Variants in NLGN1 observed in about 807,000 individuals in gnomAD.
NLGN1 encodes the protein neuroligin-1.
NLGN1 carries 12 observed loss-of-function variants against 65.5 expected under a neutral mutation model. That is an observed-to-expected ratio of 0.18 (90% CI 0.12 to 0.30). The LOEUF is 0.30. Ranked by LOEUF, NLGN1 falls within the 10% of genes least tolerant of loss-of-function variation. The pLI is 1.00. For synonymous variants in NLGN1, 350 were observed against 359.5 expected, an observed-to-expected ratio of 0.97 and a Z score of 0.30; for missense variants, 750 against 1,007.1, an observed-to-expected ratio of 0.74 and a Z score of 3.46.
rs756629898 is a variant in NLGN1, at chr3:173,686,958, CA to C, written c.493+81879del. On this transcript the variant is annotated intron_variant, in intron 3 of 6. Transcript: ENST00000457714. ...ACAGAGCAAGACTCCGTCCCAAAGACAAAAAAAAAAAAGATACTTGTGAACC... is the reference window on the plus strand; with the variant it reads ...ACAGAGCAAGACTCCGTCCCAAAGACAAAAAAAAAAAGATACTTGTGAACC... Among the ~76,000 whole-genome samples, 250 of 132,728 alleles carry C rather than the reference CA, an allele frequency of 1.9e-3. 1 individual carries two copies. Among genetic ancestry groups the C allele is most frequent in the Middle Eastern group, 7.8e-3 (2 of 258 alleles). The allele number at this position is 132,728 out of a possible 152,430, so 87.1% of individuals were successfully genotyped here. A position where few individuals can be genotyped will look rare whatever the true frequency, so the allele number is the denominator to read the frequency against.
intron 2 of NLGN1, among the ~76,000 whole-genome samples, chr3:173,489,611 G>T (rs1232190731): frequency 6.6e-6 from 1 of 152,060 alleles, no homozygotes; most frequent in Non-Finnish European, 1.5e-5. Flanking sequence ...GTAATGGGAT[G>T]GCTGGGTCAA....
At chr3:173,409,914 G>C (rs905273128) in intron 1 of NLGN1, among the ~76,000 whole-genome samples, 2 of 152,152 alleles carry the variant, frequency 1.3e-5, no homozygotes, top group Non-Finnish European at 1.5e-5. Context: ...GGATGTTTTA[G>C]GGACCTGTAG....
chr3:173,927,135 C>G (rs1408514768), intron 4 of NLGN1, among the ~76,000 whole-genome samples: 2 of 152,078 alleles, frequency 1.3e-5, no homozygotes, highest in Admixed American at 1.3e-4. Context: ...ATGATCTCGG[C>G]TCACTGCAAC....
chr3:174,215,577 G>A (rs934549430), intron 4 of NLGN1, among the ~76,000 whole-genome samples: 1 of 152,136 alleles, frequency 6.6e-6, no homozygotes, highest in South Asian at 2.1e-4. Flanking sequence ...TTTGTTTCAG[G>A]CGGAGAGAAG....
At chr3:174,194,676 A>C (rs1733043833) in intron 4 of NLGN1, among the ~76,000 whole-genome samples, 1 of 151,392 alleles carries the variant, frequency 6.6e-6, no homozygotes. Flanking sequence ...AGAAGTAAAT[A>C]AACATTTGTG....
chr3:173,550,902 T>C (rs1740743654), intron 2 of NLGN1, among the ~76,000 whole-genome samples: 1 of 152,162 alleles, frequency 6.6e-6, no homozygotes, highest in Non-Finnish European at 1.5e-5. Flanking sequence ...ACATTTTTAT[T>C]TAAATATTCT....
chr3:173,596,334 C>T (rs573803058), intron 2 of NLGN1, among the ~76,000 whole-genome samples: 2 of 152,280 alleles, frequency 1.3e-5, no homozygotes, highest in East Asian at 3.9e-4. Flanking sequence ...CACGATTTCT[C>T]CCAGGAGGAG....
chr3:173,993,260 A>G (rs1225679692), intron 4 of NLGN1, among the ~76,000 whole-genome samples: 5 of 152,222 alleles, frequency 3.3e-5, no homozygotes, highest in Admixed American at 6.5e-5. Context: ...TTAAAGATCA[A>G]TGCCTCATGG....
At chr3:173,830,000 G>T (rs1359020487) in intron 4 of NLGN1, among the ~76,000 whole-genome samples, 1 of 46,190 alleles carries the variant, frequency 2.2e-5, no homozygotes, top group Non-Finnish European at 5.3e-5. Flanking sequence ...AATTACAGTG[G>T]GTAGTGTGGG....
intron 4 of NLGN1, among the ~76,000 whole-genome samples, chr3:174,140,102 A>AG (rs1327092674): frequency 2.6e-5 from 4 of 152,050 alleles, no homozygotes; most frequent in Non-Finnish European, 5.9e-5. Context: ...CTGTACTTTT[A>AG]GGGGGATTTG....
At chr3:174,021,763 T>A (rs1727790873) in intron 4 of NLGN1, among the ~76,000 whole-genome samples, 1 of 152,270 alleles carries the variant, frequency 6.6e-6, no homozygotes, top group South Asian at 2.1e-4. Context: ...ATTTTTGTTA[T>A]CCTCTCTTGA....
chr3:173,671,251 G>C (rs1041445623), intron 3 of NLGN1, among the ~76,000 whole-genome samples: 2 of 152,148 alleles, frequency 1.3e-5, no homozygotes, highest in Non-Finnish European at 2.9e-5. Context: ...CTGTAATCCA[G>C]CACTTTGTGA....
At chr3:174,252,217 A>AC (rs916422227) in intron 4 of NLGN1, among the ~76,000 whole-genome samples, 4 of 152,132 alleles carry the variant, frequency 2.6e-5, no homozygotes, top group African/African-American at 9.7e-5. Context: ...CTGGAAAAAT[A>AC]CCCCTACTTG....
chr3:174,000,236 C>A (rs567288004), intron 4 of NLGN1, among the ~76,000 whole-genome samples: 17 of 152,112 alleles, frequency 1.1e-4, no homozygotes, highest in African/African-American at 3.9e-4. Context: ...AAGAAAATTT[C>A]TCATCAGGAA....
chr3:174,062,021 G>C (rs75674872), intron 4 of NLGN1, among the ~76,000 whole-genome samples: 2,114 of 152,136 alleles, frequency 0.014, 38 homozygotes, highest in African/African-American at 0.045. Context: ...AGTTTAATGT[G>C]TTTTCTAAAT....
chr3:173,885,730 G>A (rs541081999), intron 4 of NLGN1, among the ~76,000 whole-genome samples: 4 of 151,838 alleles, frequency 2.6e-5, no homozygotes, highest in South Asian at 2.1e-4. Flanking sequence ...TCAAAATTTA[G>A]GAAGCAGAGA....
intron 3 of NLGN1, 61 bp from the exon 4 acceptor site, chr3:173,807,619 C>T: frequency 6.4e-7 from 1 of 1,551,038 alleles, no homozygotes. Context: ...AAAATGTATT[C>T]TCTGCTTCAT....
At chr3:173,773,497 T>C (rs1779875089) in intron 3 of NLGN1, among the ~76,000 whole-genome samples, 2 of 152,164 alleles carry the variant, frequency 1.3e-5, no homozygotes, top group African/African-American at 4.8e-5. Context: ...TATGTCGTTT[T>C]AAAAAAGTAT....
intron 4 of NLGN1, among the ~76,000 whole-genome samples, chr3:173,840,439 GAGT>G (rs1724565626): frequency 6.6e-6 from 1 of 152,178 alleles, no homozygotes; most frequent in Non-Finnish European, 1.5e-5. Context: ...TAAAAGTGGA[GAGT>G]AATCACTGTG....
Sources: gnomAD v4.1 joint callset for allele counts (sites outside exome capture counted in the v4.1 genomes callset) on GRCh38, gnomAD v4.1.1 for gene constraint, MANE v1.5 for transcripts, NCBI Gene and HGNC (gene_info 2026-07-23, HGNC 2026-07-21) for gene names.